The following A4GALT variants were observed in gnomAD, a reference collection of about 807,000 sequenced individuals.
A4GALT encodes alpha 1,4-galactosyltransferase (P1PK blood group).
For missense variants in A4GALT, 512 were observed against 486.0 expected (o/e 1.05, Z -0.50); for synonymous variants, 257 against 220.7 (o/e 1.16, Z -1.46).
At chr22:42,703,242 GTTGT>G (rs1294944165) in intron 1 of A4GALT, among the ~76,000 whole-genome samples, 10 of 143,856 alleles carry the variant, frequency 7.0e-5, no homozygotes, top group South Asian at 2.2e-4. Context: ...CTTTTTTTTT[GTTGT>G]TTGTTTGTTT....
At chr22:42,720,632 C>T (rs904954406) in intron 1 of A4GALT, among the ~76,000 whole-genome samples, 165 bp downstream of exon 1, 5 of 151,948 alleles carry the variant, frequency 3.3e-5, no homozygotes, top group Non-Finnish European at 7.4e-5. Context: ...GCGCGGGGTT[C>T]GTGCGCGCAC....
intron 1 of A4GALT, among the ~76,000 whole-genome samples, chr22:42,704,414 T>C (rs928606901): frequency 3.3e-5 from 5 of 151,754 alleles, no homozygotes; most frequent in Admixed American, 3.3e-4. Flanking sequence ...TTAAACCTGG[T>C]AGGCGGAGAT....
chr22:42,715,574 A>G (rs746466789), intron 1 of A4GALT, among the ~76,000 whole-genome samples: 31 of 151,782 alleles, frequency 2.0e-4, no homozygotes, highest in Non-Finnish European at 3.8e-4. Flanking sequence ...ATTAGCAGGG[A>G]ATGGTGGAGG....
Position 42,693,102 on chromosome 22 carries a change from A to T in A4GALT, c.850T>A (p.Phe284Ile). 1 of 1,612,424 alleles carries T rather than the reference A, an allele frequency of 6.2e-7. No homozygotes were observed. Among genetic ancestry groups the T allele is most frequent in the Non-Finnish European group, 8.5e-7 (1 of 1,179,466 alleles). ...RGVTTLPPEAFYPIPWQDWKK... is the reference protein window; with the variant it reads ...RGVTTLPPEAIYPIPWQDWKK... Reference sequence around the variant, plus strand: ...CAGTCCTGCCAGGGGATGGGGTAGAAGGCCTCAGGGGGCAGGGTGGTGACG... The same window carrying T: ...CAGTCCTGCCAGGGGATGGGGTAGATGGCCTCAGGGGGCAGGGTGGTGACG... Residue 284 changes from phenylalanine (F) to isoleucine (I), a missense_variant, in exon 3 of 3, where the codon TTC becomes ATC. Transcript: ENST00000642412.
At chr22:42,720,344 C>T (rs903769469) in intron 1 of A4GALT, among the ~76,000 whole-genome samples, 2 of 152,230 alleles carry the variant, frequency 1.3e-5, no homozygotes, top group African/African-American at 4.8e-5. Flanking sequence ...TCTCCATCCC[C>T]GTCCCCGGTC....
chr22:42,702,277 C>T (rs1028355169), intron 1 of A4GALT, among the ~76,000 whole-genome samples: 3 of 151,676 alleles, frequency 2.0e-5, no homozygotes, highest in African/African-American at 4.9e-5. Flanking sequence ...GATGTGCAGC[C>T]GCTGTTGAGG....
At chr22:42,718,831 G>T (rs182658598) in intron 1 of A4GALT, among the ~76,000 whole-genome samples, 402 of 152,286 alleles carry the variant, frequency 2.6e-3, no homozygotes, top group Non-Finnish European at 4.6e-3. Flanking sequence ...TTGTGAGCAC[G>T]CCTAGCAGGT....
intron 1 of A4GALT, among the ~76,000 whole-genome samples, chr22:42,716,350 G>A (rs1484826274): frequency 6.6e-6 from 1 of 152,176 alleles, no homozygotes; most frequent in Admixed American, 6.6e-5. Flanking sequence ...GGCTTCTCCA[G>A]TGTTGAGTTA....
Position 42,695,516 on chromosome 22 carries a change from G to A in A4GALT, c.-72C>T, listed in dbSNP as rs1930861447. On this transcript the variant is annotated 5_prime_UTR_variant, in exon 2 of 3. Coordinates refer to ENST00000642412, the MANE Select transcript of A4GALT (RefSeq NM_017436.7). ...CAGCCTGGGCAGCCCATTGCAGAGA[G>A]GTGGGGATCCTGGCAGCCCACAGGC... is the stretch of plus-strand genomic sequence containing the variant. 1 of 152,150 alleles carries A rather than the reference G, an allele frequency of 6.6e-6. No individual in the cohort carries two copies. The highest frequency in any genetic ancestry group is 1.5e-5 in the Non-Finnish European group (1 of 68,100). The allele number at this position is 152,150 out of a possible 1,614,324, so 9.4% of individuals were successfully genotyped here. A position where few individuals can be genotyped will look rare whatever the true frequency, so the allele number is the denominator to read the frequency against.
At chr22:42,702,963 G>A (rs1257229349) in intron 1 of A4GALT, among the ~76,000 whole-genome samples, 2 of 115,184 alleles carry the variant, frequency 1.7e-5, no homozygotes, top group African/African-American at 1.2e-4. Context: ...AGGGGCCACA[G>A]TGGCACTCAG....
intron 1 of A4GALT, among the ~76,000 whole-genome samples, chr22:42,710,696 CGAAATAAATAAA>C (rs1253911078): frequency 9.5e-6 from 1 of 104,738 alleles, no homozygotes; most frequent in Non-Finnish European, 1.9e-5. Flanking sequence ...GACTCCAGCT[CGAAATAAATAAA>C]TAAATAAATA....
chr22:42,703,970 G>A (rs1401439617), intron 1 of A4GALT, among the ~76,000 whole-genome samples: 1 of 152,114 alleles, frequency 6.6e-6, no homozygotes, highest in African/African-American at 2.4e-5. Context: ...GGCCTTCACT[G>A]CTTTGTCCAT....
In A4GALT at chr22:42,693,199, C is replaced by T. The variant is rs778195937; in HGVS notation, c.753G>A (p.Pro251=). The change falls in exon 3 of 3, where the codon CCG becomes CCA. Residue 251 remains proline (P), a synonymous_variant. Coordinates refer to ENST00000642412, the MANE Select transcript of A4GALT (RefSeq NM_017436.7). ...YNGWIWGHQG[P]QLLTRVFKKW... The stretch of plus-strand genomic sequence containing the variant: ...TCTTGAAGACCCGCGTGAGCAGCTG[C>T]GGGCCCTGGTGACCCCAGATCCAGC... 3.1e-6 allele frequency: 5 copies of T among 1,601,902 alleles called. No homozygotes were observed. Among genetic ancestry groups the T allele is most frequent in the Middle Eastern group, 1.7e-4 (1 of 6,050 alleles).
rs774499702 is a variant in A4GALT at position 42,693,739 on chromosome 22, G to A, written c.213C>T (p.Ser71=). The change falls in exon 3 of 3, where the codon TCC becomes TCT. Residue 71 remains serine, a synonymous_variant. Transcript: ENST00000642412. ...CPTLTPPTPP[S]HGPTPGNIFF... is the part of the protein sequence containing the mutation. ...AGATGTTGCCTGGAGTGGGGCCGTG[G>A]GAGGGTGGGGTGGGGGGTGTCAAGG... The A allele has an allele frequency of 6.8e-6, 11 of 1,611,586 alleles. No homozygotes were observed. The South Asian group carries it at 1.2e-4, about 18-fold the overall frequency.
chr22:42,699,166 C>T (rs1012759643), intron 1 of A4GALT, among the ~76,000 whole-genome samples: 2 of 151,992 alleles, frequency 1.3e-5, no homozygotes, highest in East Asian at 3.9e-4. Flanking sequence ...TCACTAAAAC[C>T]TCTTCCTACT....
chr22:42,693,706 C>T lies in A4GALT; in HGVS notation c.246G>A (p.Leu82=). Residue 82 remains leucine, a synonymous_variant, in exon 3 of 3, where the codon CTG becomes CTA. Coordinates refer to ENST00000642412, the MANE Select transcript of A4GALT (RefSeq NM_017436.7). ...HGPTPGNIFF[L]ETSDRTNPNF... ...TGGGGTTGGTCCGGTCTGAAGTCTC[C>T]AGGAAGAAGATGTTGCCTGGAGTGG... 6.7e-7 allele frequency: 1 copy of T among 1,483,522 alleles called. No individual in the cohort carries two copies. Among genetic ancestry groups the T allele is most frequent in the East Asian group, 2.7e-5 (1 of 37,660 alleles). The allele number at this position is 1,483,522 out of a possible 1,614,324, so 91.9% of individuals were successfully genotyped here.
chr22:42,693,524 G>GTTCCAGCA lies in A4GALT; in HGVS notation c.427_428insTGCTGGAA (p.Pro143LeufsTer65), dbSNP rs1569027587. Reference sequence around the variant, plus strand: ...CCGGAACAGCTCCCGCAGGTCCAGCGGGAGCATCTGGACATTCGGGAAGCA... The same window carrying GTTCCAGCA: ...CCGGAACAGCTCCCGCAGGTCCAGCGTTCCAGCAGGAGCATCTGGACATTCGGGAAGCA... On this transcript the variant is annotated frameshift_variant, in exon 3 of 3. Coordinates refer to ENST00000642412, the MANE Select transcript of A4GALT (RefSeq NM_017436.7). LOFTEE classifies it low-confidence loss of function (END_TRUNC). 1.9e-6 allele frequency: 3 copies of GTTCCAGCA among 1,613,290 alleles called. No homozygotes were observed. The East Asian group carries it at 6.7e-5, about 36-fold the overall frequency.
At chr22:42,714,274 CAAAAA>C (rs1163088658) in intron 1 of A4GALT, among the ~76,000 whole-genome samples, 78 of 16,128 alleles carry the variant, frequency 4.8e-3, no homozygotes, top group African/African-American at 0.012. Context: ...GACTCTGTCT[CAAAAA>C]AAAAAAAAAA....
At chr22:42,700,233 C>A (rs994772869) in intron 1 of A4GALT, among the ~76,000 whole-genome samples, 7 of 152,228 alleles carry the variant, frequency 4.6e-5, no homozygotes, top group African/African-American at 1.7e-4. Context: ...AGGGGCTCCT[C>A]GCTCTCATTC....
Sources: allele counts gnomAD v4.1 joint callset (sites outside exome capture counted in the v4.1 genomes callset), GRCh38; gene constraint gnomAD v4.1.1; transcripts MANE v1.5; gene names NCBI Gene and HGNC (gene_info 2026-07-23, HGNC 2026-07-21).